Variants in SLC5A12 observed in about 807,000 individuals in gnomAD.
SLC5A12 encodes the protein solute carrier family 5 member 12.
In SLC5A12, 46 loss-of-function variants were observed where a neutral mutation model predicts 72.7. The ratio of observed to expected loss-of-function variants is 0.63; its 90% CI spans 0.50 to 0.81. The LOEUF is 0.81. Among genes scored for constraint, SLC5A12 ranks in the 30% least tolerant of loss-of-function variants. SLC5A12 has a pLI of 0.00. For missense variants in SLC5A12, 683 were observed against 740.7 expected, an observed-to-expected ratio of 0.92 and a Z score of 0.90; for synonymous variants, 275 against 264.4, an observed-to-expected ratio of 1.04 and a Z score of -0.39.
At position 26,715,265 on chromosome 11, in the gene SLC5A12, T is replaced by C. The variant is rs183526496; in HGVS notation, c.340-2559A>G. Reference sequence around the variant, plus strand: ...CATTCCCTGTTCCAGTACATGTTGATGGCATCTAAATGTGCCTGAGATTAT... The same window carrying C: ...CATTCCCTGTTCCAGTACATGTTGACGGCATCTAAATGTGCCTGAGATTAT... On this transcript the variant is annotated intron_variant, in intron 1 of 14. Coordinates refer to ENST00000396005, the MANE Select transcript of SLC5A12 (RefSeq NM_178498.4). Among the ~76,000 whole-genome samples, 4 of 152,274 alleles carry C rather than the reference T, an allele frequency of 2.6e-5. No homozygotes were observed. In the East Asian group the frequency reaches 7.7e-4, roughly 29 times the overall value.
chr11:26,703,846 TC>T lies in SLC5A12; in HGVS notation c.626del (p.Gly209AspfsTer6), dbSNP rs752392079. 3.1e-6 allele frequency: 5 copies of T among 1,613,926 alleles called. No homozygotes were observed. In the South Asian group the frequency reaches 4.4e-5, roughly 14 times the overall value. ...TTGATTGCTCTAATACATTGTGGAA[TC>T]CCCCAGCATGAGTTGATCCTTGAAT... is the stretch of plus-strand genomic sequence containing the variant. Reference protein sequence around the residue: ...VLIQGSTHAGGFHNVLEQSTN... With the variant: ...VLIQGSTHAGXFHNVLEQSTN... On this transcript the variant is annotated frameshift_variant, in exon 5 of 15. Coordinates refer to ENST00000396005, the MANE Select transcript of SLC5A12 (RefSeq NM_178498.4). LOFTEE classifies it high-confidence loss of function.
chr11:26,721,121 A>G (rs763589378), intron 1 of SLC5A12, among the ~76,000 whole-genome samples: 4 of 152,194 alleles, frequency 2.6e-5, no homozygotes, highest in Non-Finnish European at 4.4e-5. Context: ...ATGAGGCCAT[A>G]CATTAAGTGC....
chr11:26,703,425 T>TACACAC lies in SLC5A12; in HGVS notation c.821+100_821+105dup, dbSNP rs10594778. 1,811 of 880,812 alleles carry TACACAC rather than the reference T, an allele frequency of 2.1e-3. 1 individual carries two copies. Among genetic ancestry groups the TACACAC allele is most frequent in the South Asian group, 2.9e-3 (177 of 60,700 alleles). The allele number at this position is 880,812 out of a possible 1,614,324, so 54.6% of individuals were successfully genotyped here. ...TGCCTCTCTCTTACACACACATACA[T>TACACAC]ACACACACACACACACACACACCCC... On this transcript the variant is annotated intron_variant, in intron 6 of 14. Transcript: ENST00000396005.
intron 6 of SLC5A12, among the ~76,000 whole-genome samples, chr11:26,701,330 A>C (rs1272656226): frequency 6.6e-6 from 1 of 152,216 alleles, no homozygotes; most frequent in Non-Finnish European, 1.5e-5. Context: ...CAAAATTACT[A>C]TCACAGTCCT....
At chr11:26,672,218 A>G (rs149538648) in intron 14 of SLC5A12, among the ~76,000 whole-genome samples, 140 of 152,214 alleles carry the variant, frequency 9.2e-4, no homozygotes, top group African/African-American at 3.2e-3. Context: ...TAATAAACTC[A>G]GCTTTAGGTG....
chr11:26,704,079 G>T (rs1352953787), intron 4 of SLC5A12, 132 bp from the exon 5 acceptor site: 6 of 901,262 alleles, frequency 6.7e-6, no homozygotes, highest in Non-Finnish European at 1.0e-5. Context: ...TCTTTTATGT[G>T]CCAAGTACCA....
intron 6 of SLC5A12, 104 bp downstream of exon 6, chr11:26,703,427 C>T: frequency 9.2e-7 from 1 of 1,090,980 alleles, no homozygotes; most frequent in South Asian, 1.5e-5. Flanking sequence ...CACATACATA[C>T]ACACACACAC....
At chr11:26,704,077 G>A (rs1855029023) in intron 4 of SLC5A12, 130 bp from the exon 5 acceptor site, 1 of 928,736 alleles carries the variant, frequency 1.1e-6, no homozygotes, top group Non-Finnish European at 1.7e-6. Flanking sequence ...GATCTTTTAT[G>A]TGCCAAGTAC....
In SLC5A12 at chr11:26,721,870, G is replaced by GAT; in HGVS notation, c.-157_-156insAT. 1.5e-6 allele frequency: 1 copy of GAT among 680,378 alleles called. No individual in the cohort carries two copies. Among genetic ancestry groups the GAT allele is most frequent in the Non-Finnish European group, 2.5e-6 (1 of 392,298 alleles). The allele number at this position is 680,378 out of a possible 1,614,324, so 42.1% of individuals were successfully genotyped here. On this transcript the variant is annotated 5_prime_UTR_variant, in exon 1 of 15. Coordinates refer to ENST00000396005, the MANE Select transcript of SLC5A12 (RefSeq NM_178498.4). ...CCAGAGGCACTCGTGTGAATCTTCA[G>GAT]ACACCAACGTGTACTTAGTGAAGAT... is the stretch of plus-strand genomic sequence containing the variant.
rs780684017 is a variant in SLC5A12 at position 26,709,391 on chromosome 11, GA to G, written c.458-13del. The G allele has an allele frequency of 1.9e-6, 3 of 1,595,520 alleles. No individual in the cohort carries two copies. The highest frequency in any genetic ancestry group is 1.3e-5 in the African/African-American group (1 of 74,088). On this transcript the variant is annotated splice_polypyrimidine_tract_variant and intron_variant, in intron 3 of 14. Coordinates refer to ENST00000396005, the MANE Select transcript of SLC5A12 (RefSeq NM_178498.4). The stretch of plus-strand genomic sequence containing the variant: ...ATCAAACCCAGTCACTAGGAAAGAA[GA>G]AAAAAATATTAAAAGAAGTTTCCTT...
chr11:26,723,003 A>G (rs1855508841), upstream of SLC5A12, among the ~76,000 whole-genome samples: 1 of 151,718 alleles, frequency 6.6e-6, no homozygotes, highest in Non-Finnish European at 1.5e-5. Context: ...ATCTCTATGT[A>G]ACCGGCTACA....
At chr11:26,695,367 T>C (rs1330509747) in intron 8 of SLC5A12, among the ~76,000 whole-genome samples, 4 of 152,094 alleles carry the variant, frequency 2.6e-5, no homozygotes, top group Non-Finnish European at 5.9e-5. Flanking sequence ...TGGTTACTAG[T>C]TTACAAAGAA....
At chr11:26,707,792 A>G (rs1296953790) in intron 4 of SLC5A12, among the ~76,000 whole-genome samples, 2 of 151,912 alleles carry the variant, frequency 1.3e-5, no homozygotes, top group Non-Finnish European at 2.9e-5. Flanking sequence ...GCTATTTTGT[A>G]TTTTTTATGA....
chr11:26,669,187 T>TTTATTTTTCTTTCTTTCTTTC lies in SLC5A12; in HGVS notation c.*1914_*1915insGAAAGAAAGAAAGAAAAATAA, dbSNP rs1854073553. On this transcript the variant is annotated 3_prime_UTR_variant, in exon 15 of 15. Transcript: ENST00000396005. ...TGTCTTTTTCTTTCTTTCTTTCTTC[T>TTTATTTTTCTTTCTTTCTTTC]TTTCTTTCTTTCTTTCTTTCTTTCT... 4 of 110,944 alleles carry TTTATTTTTCTTTCTTTCTTTC rather than the reference T, an allele frequency of 3.6e-5. No individual in the cohort carries two copies. The highest frequency in any genetic ancestry group is 6.4e-5 in the African/African-American group (2 of 31,104). The allele number at this position is 110,944 out of a possible 1,614,324, so 6.9% of individuals were successfully genotyped here.
In SLC5A12 at chr11:26,678,798, G is replaced by T. The variant is rs781096594; in HGVS notation, c.1493C>A (p.Thr498Asn). 6.2e-7 allele frequency: 1 copy of T among 1,612,620 alleles called. No individual in the cohort carries two copies. Among genetic ancestry groups the T allele is most frequent in the African/African-American group, 1.3e-5 (1 of 74,786 alleles). ...VLSSRPGIAD[T>N]WYSISYLYYS... ...GTAAAGGTAGGAGATCGAGTACCAG[G>T]TATCAGCTATTCCAGGTCTGTGGAG... The change falls in exon 13 of 15, where the codon ACC (threonine) becomes AAC (asparagine). Residue 498 changes from threonine (T) to asparagine (N), a missense_variant. Thr to Asn is a moderately conservative substitution (Grantham distance 65, BLOSUM62 0). Coordinates refer to ENST00000396005, the MANE Select transcript of SLC5A12 (RefSeq NM_178498.4).
chr11:26,696,624 T>G (rs1259291806), intron 8 of SLC5A12, among the ~76,000 whole-genome samples: 1 of 152,224 alleles, frequency 6.6e-6, no homozygotes, highest in Non-Finnish European at 1.5e-5. Context: ...TCCTGAATAC[T>G]GTAGGCAATT....
chr11:26,673,330 C>T lies in SLC5A12; in HGVS notation c.1707+72G>A, dbSNP rs73436370. On this transcript the variant is annotated intron_variant, in intron 14 of 14. Coordinates refer to ENST00000396005, the MANE Select transcript of SLC5A12 (RefSeq NM_178498.4). ...TCCCTTTCCAGTGCATCTTTGCAGC[C>T]GGTTTAAATGGGCAAAACCAGGAAT... is the stretch of plus-strand genomic sequence containing the variant. 8.7e-3 allele frequency: 11,945 copies of T among 1,368,734 alleles called. 871 individuals carry two copies. The African/African-American group carries it at 0.16, about 18-fold the overall frequency. 84.8% of individuals were successfully genotyped at this position (1,368,734 alleles called of 1,614,324 possible).
rs560715654 is a variant in SLC5A12, at chr11:26,706,799, A to ATATAAT, written c.525+2507_525+2512dup. On this transcript the variant is annotated intron_variant, in intron 4 of 14. Transcript: ENST00000396005. ...TCTTTTTTCTAAATTTCAAAATGGCATATAATTATAATTATAATTATTGAT... is the reference window on the plus strand; with the variant it reads ...TCTTTTTTCTAAATTTCAAAATGGCATATAATTATAATTATAATTATAATTATTGAT... Among the ~76,000 whole-genome samples the ATATAAT allele has an allele frequency of 2.7e-5, 4 of 150,760 alleles. No homozygotes were observed. In the East Asian group the frequency reaches 5.8e-4, roughly 22 times the overall value.
chr11:26,692,592 A>T lies in SLC5A12; in HGVS notation c.1050T>A (p.Ala350=). 1 of 1,613,112 alleles carries T rather than the reference A, an allele frequency of 6.2e-7. No homozygotes were observed. The highest frequency in any genetic ancestry group is 8.5e-7 in the Non-Finnish European group (1 of 1,179,058). ...CTGTTGCCAAGGCATTGATGCTGGAAGCCACGGTGCTATAAGGAAAGAAAA... is the reference window on the plus strand; with the variant it reads ...CTGTTGCCAAGGCATTGATGCTGGATGCCACGGTGCTATAAGGAAAGAAAA... ...CAFSGTLSTV[A]SSINALATVT... Residue 350 remains alanine (A), a synonymous_variant, in exon 9 of 15, where the codon GCT becomes GCA. Transcript: ENST00000396005.
Sources: gnomAD v4.1 joint callset for allele counts (sites outside exome capture counted in the v4.1 genomes callset) on GRCh38, gnomAD v4.1.1 for gene constraint, MANE v1.5 for transcripts, NCBI Gene and HGNC (gene_info 2026-07-23, HGNC 2026-07-21) for gene names.